MYO1F: variants seen among roughly 807,000 people sequenced by gnomAD.
MYO1F encodes the protein unconventional myosin-If.
A neutral mutation model predicts 146.6 loss-of-function variants in MYO1F; 60 were observed. The ratio of observed to expected loss-of-function variants is 0.41; its 90% CI spans 0.33 to 0.51. The LOEUF is 0.51. Ranked by LOEUF, MYO1F falls within the 20% of genes least tolerant of loss-of-function variation. The pLI is 0.25. For missense variants in MYO1F, 1,274 were observed against 1,534.3 expected (o/e 0.83, Z 2.83); for synonymous variants, 602 against 602.1 (o/e 1.00, Z 0.00).
chr19:8,541,206 A>T (rs995550901), intron 15 of MYO1F, among the ~76,000 whole-genome samples: 5 of 151,142 alleles, frequency 3.3e-5, no homozygotes, highest in East Asian at 1.9e-4. Flanking sequence ...AAAAAAAAGA[A>T]TTTTTTTTTA....
At chr19:8,525,736 A>C (rs1972240890) in intron 24 of MYO1F, among the ~76,000 whole-genome samples, 174 bp from the exon 25 acceptor site, 1 of 151,726 alleles carries the variant, frequency 6.6e-6, no homozygotes, top group Admixed American at 6.6e-5. Flanking sequence ...CTCGCCCCCC[A>C]AGGGCCCAAC....
intron 4 of MYO1F, among the ~76,000 whole-genome samples, chr19:8,553,892 A>ACTCTCTCTCTCTCTCTCTCTCTCTCT (rs569819927): frequency 1.0e-4 from 11 of 105,158 alleles, no homozygotes; most frequent in African/African-American, 1.8e-4. Context: ...ACACACACAC[A>ACTCTCTCTCTCTCTCTCTCTCTCTCT]CACTCTCTCT....
intron 14 of MYO1F, 115 bp downstream of exon 14, chr19:8,544,182 G>T: frequency 8.8e-7 from 1 of 1,137,522 alleles, no homozygotes; most frequent in Non-Finnish European, 1.3e-6. Context: ...CTACAGCCCT[G>T]GATAAGGGTC....
intron 1 of MYO1F, among the ~76,000 whole-genome samples, chr19:8,559,389 CAGTT>C (rs1205555773): frequency 2.2e-4 from 33 of 151,626 alleles, no homozygotes; most frequent in Non-Finnish European, 2.8e-4. Flanking sequence ...GACATACTGA[CAGTT>C]AGAGGTTGTT....
At chr19:8,558,367 T>C (rs1973942695) in intron 1 of MYO1F, among the ~76,000 whole-genome samples, 1 of 151,834 alleles carries the variant, frequency 6.6e-6, no homozygotes, top group Non-Finnish European at 1.5e-5. Flanking sequence ...GGTCTTGCTC[T>C]GTTGCTCAGG....
Position 8,530,606 on chromosome 19 carries a change from C to T in MYO1F, c.2044-33G>A, listed in dbSNP as rs1304192308. On this transcript the variant is annotated intron_variant, in intron 19 of 27. Coordinates refer to ENST00000644032, the MANE Select transcript of MYO1F (RefSeq NM_012335.4). This position sits in a 1 kb window ranked among gnomAD's most constrained non-coding sequence, Gnocchi z 5.8. ...GGGGTCGTGGGGGGCAAGGGTGAGT[C>T]CTGGTGTCTCCCCAGGGGCTGCAGT... 1 of 1,530,510 alleles carries T rather than the reference C, an allele frequency of 6.5e-7. No homozygotes were observed. The highest frequency in any genetic ancestry group is 9.0e-7 in the Non-Finnish European group (1 of 1,113,108). 94.8% of individuals were successfully genotyped at this position (1,530,510 alleles called of 1,614,324 possible).
intron 1 of MYO1F, among the ~76,000 whole-genome samples, chr19:8,564,496 C>A (rs1373265669): frequency 7.2e-5 from 11 of 151,990 alleles, no homozygotes. Flanking sequence ...GAAGTTGACA[C>A]CCACCACAGA....
chr19:8,546,158 G>A lies in MYO1F; in HGVS notation c.1270-422C>T, dbSNP rs59034061. Among the ~76,000 whole-genome samples, 525 of 139,570 alleles carry A rather than the reference G, an allele frequency of 3.8e-3. 5 individuals are homozygous for A. Among genetic ancestry groups the A allele is most frequent in the African/African-American group, 0.013 (500 of 38,168 alleles). 91.6% of individuals were successfully genotyped at this position (139,570 alleles called of 152,430 possible). A position where few individuals can be genotyped will look rare whatever the true frequency, so the allele number is the denominator to read the frequency against. On this transcript the variant is annotated intron_variant, in intron 12 of 27. Coordinates refer to ENST00000644032, the MANE Select transcript of MYO1F (RefSeq NM_012335.4). ...TGGCTCATCGCAACCTCCGCCTCCC[G>A]AGTTCAAGCGATTCTCCTGCCTCAG...
intron 13 of MYO1F, 136 bp from the exon 14 acceptor site, chr19:8,544,600 C>A: frequency 4.6e-6 from 4 of 877,676 alleles, no homozygotes; most frequent in South Asian, 3.2e-5. Context: ...GGGAGGGCAC[C>A]AGGGGCTTCA....
chr19:8,529,998 C>T, intron 21 of MYO1F, 198 bp downstream of exon 21: 1 of 720,874 alleles, frequency 1.4e-6, no homozygotes, highest in Non-Finnish European at 2.4e-6. Context: ...GAGGGTATAC[C>T]TGTGATGGAA....
intron 9 of MYO1F, 64 bp downstream of exon 9, chr19:8,550,498 C>A: frequency 6.2e-7 from 1 of 1,613,442 alleles, no homozygotes; most frequent in Non-Finnish European, 8.5e-7. Flanking sequence ...GGGGGCTGAG[C>A]TAGGAGGACG....
chr19:8,525,672 C>T (rs1972237658), intron 24 of MYO1F, 110 bp from the exon 25 acceptor site: 1 of 869,480 alleles, frequency 1.2e-6, no homozygotes. Context: ...CTCAGGCTCT[C>T]CCATTAGCAC....
intron 1 of MYO1F, among the ~76,000 whole-genome samples, chr19:8,560,842 C>T (rs918906044): frequency 6.6e-6 from 1 of 151,534 alleles, no homozygotes; most frequent in Non-Finnish European, 1.5e-5. Flanking sequence ...GTGTTCACGC[C>T]ATTCTCCTGC....
intron 12 of MYO1F, among the ~76,000 whole-genome samples, chr19:8,546,423 G>A (rs1973360347): frequency 6.6e-6 from 1 of 151,282 alleles, no homozygotes; most frequent in Admixed American, 6.6e-5. Flanking sequence ...TCAGCGATGC[G>A]ATCCTAGCTC....
At chr19:8,549,787 G>A (rs1599982110) in intron 10 of MYO1F, 1 of 310,690 alleles carries the variant, frequency 3.2e-6, no homozygotes, top group South Asian at 3.1e-5. Context: ...TTACAGGCAT[G>A]AGCCACTGCA....
chr19:8,521,535 T>C lies in MYO1F; in HGVS notation c.3290A>G (p.Lys1097Arg). Residue 1097 changes from lysine (K) to arginine (R), a missense_variant, in exon 28 of 28, where the codon AAG becomes AGG. This residue lies in a region of MYO1F where 374 missense variants were observed against 379.2 expected (regional missense o/e 0.99). Coordinates refer to ENST00000644032, the MANE Select transcript of MYO1F (RefSeq NM_012335.4). ...EGLFPGNYVE[K>R]I ...AGTATCCCAGGGCCCAGCTCAGATC[T>C]TCTCCACGTAGTTTCCTGGGAAAAG... 1 of 1,614,120 alleles carries C rather than the reference T, an allele frequency of 6.2e-7. No individual in the cohort carries two copies. The highest frequency in any genetic ancestry group is 2.2e-5 in the East Asian group (1 of 44,872).
At chr19:8,566,320 G>A (rs995677856) in intron 1 of MYO1F, among the ~76,000 whole-genome samples, 1 of 148,912 alleles carries the variant, frequency 6.7e-6, no homozygotes, top group Non-Finnish European at 1.5e-5. Context: ...GGCTCCCACG[G>A]CCATGCCCAG....
At position 8,536,366 on chromosome 19, in the gene MYO1F, C is replaced by T. The variant is rs200744759; in HGVS notation, c.1929G>A (p.Pro643=). Residue 643 remains proline, a synonymous_variant, in exon 19 of 28, where the codon CCG becomes CCA. Transcript: ENST00000644032. ...CCTGGCGTTCGTCCCCACGCCACCG[C>T]GGCCACGTCTCGGGGGTCAGAATGG... ...RYAILTPETW[P]RWRGDERQGV... is the part of the protein sequence containing the mutation. The T allele has an allele frequency of 5.5e-4, 881 of 1,605,826 alleles. 6 individuals are homozygous for T. In the African/African-American group the frequency reaches 0.01, roughly 18 times the overall value.
At chr19:8,525,659 C>T in intron 24 of MYO1F, 97 bp from the exon 25 acceptor site, 3 of 1,015,852 alleles carry the variant, frequency 3.0e-6, no homozygotes, top group South Asian at 2.7e-5. Context: ...CGCACCCCGC[C>T]CCCTCAGGCT....
Sources: gnomAD v4.1 joint callset for allele counts (sites outside exome capture counted in the v4.1 genomes callset) on GRCh38, gnomAD v4.1.1 for gene constraint, gnomAD v4.1.1 regional missense constraint, Gnocchi (gnomAD v3.1) non-coding constraint, MANE v1.5 for transcripts, NCBI Gene and HGNC (gene_info 2026-07-23, HGNC 2026-07-21) for gene names.